The following FUBP3 variants were observed in gnomAD, a reference collection of about 807,000 sequenced individuals.
The protein encoded by FUBP3 is far upstream element binding protein 3.
In FUBP3, 28 loss-of-function variants were observed where a neutral mutation model predicts 85.6. That is an observed-to-expected ratio of 0.33 (90% CI 0.24 to 0.45). The LOEUF (loss-of-function observed/expected upper bound fraction) is 0.45, where lower values mean the gene tolerates loss of function less well. Among genes scored for constraint, FUBP3 ranks in the 20% least tolerant of loss-of-function variants. The probability of loss-of-function intolerance (pLI) is 1.00; values close to 1 mark genes in which losing one functional copy is unlikely to be tolerated. For missense variants in FUBP3, 583 were observed against 755.1 expected (o/e 0.77, Z 2.67); for synonymous variants, 271 against 271.4 (o/e 1.00, Z 0.01).
rs577064826 is a variant in FUBP3, at chr9:130,636,019, C to T, written c.1603C>T (p.Pro535Ser). Residue 535 changes from proline to serine, a missense_variant, in exon 18 of 19, where the codon CCT (proline) becomes TCT (serine). By Grantham distance (74) the Pro-to-Ser change is moderately conservative (BLOSUM62 -1). Transcript: ENST00000319725. Reference sequence around the variant, plus strand: ...ACCAGGTCACGCCGCCAGCGCTGCTCCTCAGGCCAGCTCCCCACCGGACTA... The same window carrying T: ...ACCAGGTCACGCCGCCAGCGCTGCTTCTCAGGCCAGCTCCCCACCGGACTA... ...KKQSHAASAAPQASSPPDYTM... is the reference protein window; with the variant it reads ...KKQSHAASAASQASSPPDYTM... 5.6e-6 allele frequency: 9 copies of T among 1,595,430 alleles called. No homozygotes were observed. Among genetic ancestry groups the T allele is most frequent in the Admixed American group, 1.7e-5 (1 of 58,380 alleles).
chr9:130,627,066 C>T (rs906300118), intron 12 of FUBP3, among the ~76,000 whole-genome samples: 36 of 152,196 alleles, frequency 2.4e-4, no homozygotes, highest in African/African-American at 8.0e-4. Context: ...TTTTGGAGAA[C>T]ATTAGGAAGA....
intron 11 of FUBP3, among the ~76,000 whole-genome samples, chr9:130,625,078 G>A (rs1240332927): frequency 6.6e-6 from 1 of 152,168 alleles, no homozygotes; most frequent in African/African-American, 2.4e-5. Context: ...GCGTGGTGGC[G>A]CATGCCTATA....
chr9:130,612,855 T>C lies in FUBP3; in HGVS notation c.275-101T>C. Reference sequence around the variant, plus strand: ...CGGGGGCCAACTCGATGTGTAGTATTGTGAGCCAAGTGTCACAGTTTGTGG... The same window carrying C: ...CGGGGGCCAACTCGATGTGTAGTATCGTGAGCCAAGTGTCACAGTTTGTGG... On this transcript the variant is annotated intron_variant, in intron 4 of 18. Transcript: ENST00000319725. The surrounding 1 kb of genome is among the most constrained non-coding windows in gnomAD (Gnocchi z 4.1). The C allele has an allele frequency of 1.2e-6, 1 of 837,090 alleles. No individual in the cohort carries two copies. Among genetic ancestry groups the C allele is most frequent in the Non-Finnish European group, 2.0e-6 (1 of 488,988 alleles). The allele number at this position is 837,090 out of a possible 1,614,324, so 51.9% of individuals were successfully genotyped here. A position where few individuals can be genotyped will look rare whatever the true frequency, so the allele number is the denominator to read the frequency against.
intron 1 of FUBP3, among the ~76,000 whole-genome samples, chr9:130,582,405 T>G (rs1830166350): frequency 6.6e-6 from 1 of 151,806 alleles, no homozygotes; most frequent in Admixed American, 6.6e-5. Flanking sequence ...GAGCTGTGAT[T>G]GCTCCGCTGC....
At chr9:130,628,039 A>G (rs1159934390) in intron 12 of FUBP3, among the ~76,000 whole-genome samples, 1 of 152,036 alleles carries the variant, frequency 6.6e-6, no homozygotes, top group East Asian at 1.9e-4. Flanking sequence ...AGTGTCTCGG[A>G]TATGGGAGGG....
At chr9:130,610,460 C>T (rs1194475219) in intron 3 of FUBP3, among the ~76,000 whole-genome samples, 4 of 152,106 alleles carry the variant, frequency 2.6e-5, no homozygotes, top group East Asian at 1.9e-4. Flanking sequence ...TCCATCCTTC[C>T]GAAGTGGTAG....
At chr9:130,589,992 G>C (rs1207471067) in intron 1 of FUBP3, among the ~76,000 whole-genome samples, 2 of 134,180 alleles carry the variant, frequency 1.5e-5, no homozygotes, top group Non-Finnish European at 3.1e-5. Flanking sequence ...TGGGATTACA[G>C]ATATGAGCCA....
rs779743923 is a variant in FUBP3 at position 130,635,969 on chromosome 9, A to G, written c.1583-30A>G. 3.1e-6 allele frequency: 5 copies of G among 1,610,416 alleles called. No homozygotes were observed. Among genetic ancestry groups the G allele is most frequent in the African/African-American group, 1.3e-5 (1 of 74,890 alleles). On this transcript the variant is annotated intron_variant, in intron 17 of 18. Transcript: ENST00000319725. This position sits in a 1 kb window ranked among gnomAD's most constrained non-coding sequence, Gnocchi z 4.3. ...CCTGCCCAGTGCACCTCCGCTCCCG[A>G]TAACCTGTGTTTCCTCCTTTGTCAA...
At chr9:130,628,604 C>T (rs759214307) in intron 12 of FUBP3, among the ~76,000 whole-genome samples, 103 of 152,106 alleles carry the variant, frequency 6.8e-4, no homozygotes, top group Non-Finnish European at 1.2e-3. Context: ...TGGGGAGGGC[C>T]GGGGCCTCGG....
intron 6 of FUBP3, among the ~76,000 whole-genome samples, chr9:130,615,395 G>A (rs903079562): frequency 6.6e-6 from 1 of 152,168 alleles, no homozygotes; most frequent in African/African-American, 2.4e-5. Context: ...TCTACCCAAG[G>A]AGCAGAGGCA....
intron 1 of FUBP3, among the ~76,000 whole-genome samples, chr9:130,593,761 T>C (rs1462719282): frequency 6.6e-6 from 1 of 152,230 alleles, no homozygotes; most frequent in East Asian, 1.9e-4. Context: ...AATAGACCCC[T>C]GTTTATTAAC....
rs962184718 is a variant in FUBP3, at chr9:130,612,362, C to G, written c.225-94C>G. Reference sequence around the variant, plus strand: ...GGCCTGATGTATTTTAAGCTTTTATCATGCAACATTGCCAGTATGGGCAGT... The same window carrying G: ...GGCCTGATGTATTTTAAGCTTTTATGATGCAACATTGCCAGTATGGGCAGT... On this transcript the variant is annotated intron_variant, in intron 3 of 18. Coordinates refer to ENST00000319725, the MANE Select transcript of FUBP3 (RefSeq NM_003934.2). This position sits in a 1 kb window ranked among gnomAD's most constrained non-coding sequence, Gnocchi z 4.1. 14 of 742,328 alleles carry G rather than the reference C, an allele frequency of 1.9e-5. No individual in the cohort carries two copies. The highest frequency in any genetic ancestry group is 3.1e-5 in the Non-Finnish European group (13 of 422,368). The allele number at this position is 742,328 out of a possible 1,614,324, so 46.0% of individuals were successfully genotyped here. A position where few individuals can be genotyped will look rare whatever the true frequency, so the allele number is the denominator to read the frequency against.
At position 130,613,020 on chromosome 9, in the gene FUBP3, T is replaced by G; in HGVS notation, c.339T>G (p.Ile113Met). 1 of 1,602,674 alleles carries G rather than the reference T, an allele frequency of 6.2e-7. No individual in the cohort carries two copies. The highest frequency in any genetic ancestry group is 8.6e-7 in the Non-Finnish European group (1 of 1,169,464). Reference protein sequence around the residue: ...IQAESGCKIQIASESSGIPER... With the variant: ...IQAESGCKIQMASESSGIPER... Reference sequence around the variant, plus strand: ...CAGAATCTGGTTGCAAAATTCAGATTGCTTCAGGTAAGGGCTTTTTAAAAA... The same window carrying G: ...CAGAATCTGGTTGCAAAATTCAGATGGCTTCAGGTAAGGGCTTTTTAAAAA... Residue 113 changes from isoleucine to methionine, a missense_variant, in exon 5 of 19, where the codon ATT (isoleucine) becomes ATG (methionine). By Grantham distance (10) the Ile-to-Met change is conservative. Coordinates refer to ENST00000319725, the MANE Select transcript of FUBP3 (RefSeq NM_003934.2).
intron 18 of FUBP3, chr9:130,636,350 C>T (rs1830419270): frequency 2.6e-5 from 17 of 645,364 alleles, no homozygotes; most frequent in South Asian, 2.2e-4. Flanking sequence ...GGATTGGGGG[C>T]GCAGCCCCTA....
In FUBP3 at chr9:130,579,607, G is replaced by C. The variant is rs915141673; in HGVS notation, c.-74G>C. 7.4e-6 allele frequency: 7 copies of C among 940,164 alleles called. No homozygotes were observed. The highest frequency in any genetic ancestry group is 9.7e-6 in the Non-Finnish European group (7 of 723,590). 58.2% of individuals were successfully genotyped at this position (940,164 alleles called of 1,614,324 possible). ...CCGGCTACGGGTCCCCAAGCGGAGCGGGAGGCCGGACCGGGGAGCCGAGCG... is the reference window on the plus strand; with the variant it reads ...CCGGCTACGGGTCCCCAAGCGGAGCCGGAGGCCGGACCGGGGAGCCGAGCG... On this transcript the variant is annotated 5_prime_UTR_variant, in exon 1 of 19. Coordinates refer to ENST00000319725, the MANE Select transcript of FUBP3 (RefSeq NM_003934.2).
At chr9:130,608,256 C>T (rs1223245413) in intron 2 of FUBP3, among the ~76,000 whole-genome samples, 5 of 152,194 alleles carry the variant, frequency 3.3e-5, no homozygotes, top group Non-Finnish European at 5.9e-5. Context: ...AGCACCTCTC[C>T]TCTGTGTTCT....
At chr9:130,630,938 G>A in intron 13 of FUBP3, 150 bp downstream of exon 13, 1 of 668,518 alleles carries the variant, frequency 1.5e-6, no homozygotes, top group Non-Finnish European at 2.2e-6. Flanking sequence ...TTTGCCGAAG[G>A]GGAGGGTCGG....
At chr9:130,622,020 G>A (rs1829771581) in intron 9 of FUBP3, among the ~76,000 whole-genome samples, 2 of 150,682 alleles carry the variant, frequency 1.3e-5, no homozygotes, top group African/African-American at 4.9e-5. Context: ...TAAGTTGCGT[G>A]TTAAAAAAAA....
chr9:130,617,313 G>T (rs1169107599), intron 7 of FUBP3, among the ~76,000 whole-genome samples: 1 of 152,190 alleles, frequency 6.6e-6, no homozygotes, highest in Non-Finnish European at 1.5e-5. Flanking sequence ...CTCATAACCT[G>T]GTCCTTGGGT....
Sources: gnomAD v4.1 joint callset for allele counts (sites outside exome capture counted in the v4.1 genomes callset) on GRCh38, gnomAD v4.1.1 for gene constraint, Gnocchi (gnomAD v3.1) non-coding constraint, MANE v1.5 for transcripts, NCBI Gene and HGNC (gene_info 2026-07-23, HGNC 2026-07-21) for gene names.